Variants in PRUNE2 observed in about 807,000 individuals in gnomAD.
The protein encoded by PRUNE2 is protein prune homolog 2.
Under a neutral mutation model 252.0 loss-of-function variants are expected in PRUNE2, and 164 were observed. The observed-to-expected ratio is 0.65, with a 90% CI of 0.57 to 0.74. The LOEUF (loss-of-function observed/expected upper bound fraction) is 0.74. PRUNE2 is among the 30% of genes least tolerant of loss of function. PRUNE2 has a pLI of 0.00. For synonymous variants in PRUNE2, 1,292 were observed against 1,350.2 expected (o/e 0.96, Z 0.94); for missense variants, 3,495 against 3,711.0 (o/e 0.94, Z 1.51).
intron 1 of PRUNE2, among the ~76,000 whole-genome samples, chr9:76,867,048 C>T (rs560575936): frequency 2.0e-5 from 3 of 152,048 alleles, no homozygotes; most frequent in Non-Finnish European, 4.4e-5. Context: ...TGAATCAAAG[C>T]AATAAATAAG....
At chr9:76,732,320 T>C (rs1170345484) in intron 6 of PRUNE2, among the ~76,000 whole-genome samples, 1 of 151,880 alleles carries the variant, frequency 6.6e-6, no homozygotes, top group Non-Finnish European at 1.5e-5. Flanking sequence ...AAAGTAAAAA[T>C]AAAAATAAAA....
At chr9:76,787,999 C>T (rs963741137) in intron 6 of PRUNE2, among the ~76,000 whole-genome samples, 5 of 152,182 alleles carry the variant, frequency 3.3e-5, no homozygotes, top group African/African-American at 4.8e-5. Context: ...ATGCCTTTTC[C>T]CCCTTTCTTC....
Position 76,709,832 on chromosome 9 carries a change from A to T in PRUNE2, c.2442T>A (p.Asn814Lys). The T allele has an allele frequency of 6.2e-7, 1 of 1,613,834 alleles. No individual in the cohort carries two copies. Among genetic ancestry groups the T allele is most frequent in the Non-Finnish European group, 8.5e-7 (1 of 1,179,826 alleles). ...GKEDHDEALK[N>K]TWNLHPTSSK... is the part of the protein sequence containing the mutation. The stretch of plus-strand genomic sequence containing the variant: ...TGCTTGTTGGGTGCAAATTCCAGGT[A>T]TTTTTTAAAGCTTCATCATGATCTT... The change falls in exon 8 of 19, where the codon AAT (asparagine) becomes AAA (lysine). Residue 814 changes from asparagine (N) to lysine (K), a missense_variant. Asn to Lys is a moderately conservative substitution (Grantham distance 94). Transcript: ENST00000376718.
At chr9:76,617,975 G>T (rs911901929) in intron 18 of PRUNE2, among the ~76,000 whole-genome samples, 4 of 152,158 alleles carry the variant, frequency 2.6e-5, no homozygotes, top group East Asian at 1.9e-4. Flanking sequence ...GGGAATTGAG[G>T]TATTATTGCT....
rs556400605 is a variant in PRUNE2, at chr9:76,684,168, A to G, written c.8276+19169T>C. On this transcript the variant is annotated intron_variant, in intron 9 of 18. Transcript: ENST00000376718. ...GATTATTTATTATAGTCACCACTCT[A>G]CAACAGATCACTAAAGTTTATTCTT... is the stretch of plus-strand genomic sequence containing the variant. Among the ~76,000 whole-genome samples the G allele has an allele frequency of 2.6e-5, 4 of 152,330 alleles. No homozygotes were observed. In the South Asian group the frequency reaches 6.2e-4, roughly 24 times the overall value.
intron 9 of PRUNE2, among the ~76,000 whole-genome samples, chr9:76,665,489 A>T (rs2039971099): frequency 6.6e-6 from 1 of 152,036 alleles, no homozygotes; most frequent in Admixed American, 6.6e-5. Flanking sequence ...CCTCACGTGG[A>T]TGCTGCCATG....
chr9:76,702,609 G>GTGAATGAATGAA (rs59841123), intron 9 of PRUNE2, among the ~76,000 whole-genome samples: 30,496 of 150,766 alleles, frequency 0.2, 3,664 homozygotes, highest in East Asian at 0.51. Flanking sequence ...AAACCACATG[G>GTGAATGAATGAA]TGAATGAATG....
chr9:76,615,793 T>C (rs909414006), intron 18 of PRUNE2, among the ~76,000 whole-genome samples: 4 of 90,972 alleles, frequency 4.4e-5, no homozygotes, highest in Non-Finnish European at 9.1e-5. Context: ...TTTTTTGAGA[T>C]GGAGTCTTGC....
At chr9:76,862,488 T>A (rs188146356) in intron 1 of PRUNE2, 1 of 152,190 alleles carries the variant, frequency 6.6e-6, no homozygotes, top group Non-Finnish European at 1.5e-5. Context: ...GGCCTCCAGG[T>A]TGGAGTCATG....
intron 6 of PRUNE2, among the ~76,000 whole-genome samples, chr9:76,745,542 G>GAGGACC (rs112516633): frequency 0.23 from 34,131 of 151,684 alleles, 5,036 homozygotes; most frequent in East Asian, 0.49. Context: ...CAGCATGTTT[G>GAGGACC]ATGTCCCACA....
rs773859233 is a variant in PRUNE2 at position 76,629,209 on chromosome 9, A to G, written c.9132T>C (p.Ile3044=). The change falls in exon 16 of 19, where the codon ATT becomes ATC. Residue 3044 remains isoleucine, a synonymous_variant. Transcript: ENST00000376718. ...GGACTTACTTGATGATGCTCTCTGG[A>G]ATGTGGATGCAATCCATTGGGATCA... ...SGLIPMDCIH[I]PESIIKLDEE... 1 of 1,601,228 alleles carries G rather than the reference A, an allele frequency of 6.2e-7. No individual in the cohort carries two copies. The highest frequency in any genetic ancestry group is 1.7e-5 in the Admixed American group (1 of 59,592).
chr9:76,893,834 T>A (rs72735041), intron 1 of PRUNE2, among the ~76,000 whole-genome samples: 16,907 of 152,228 alleles, frequency 0.11, 1,148 homozygotes, highest in East Asian at 0.22. Flanking sequence ...TTCTGGAGAC[T>A]GGAGCCAAGA....
chr9:76,723,912 C>A (rs1346305754), intron 6 of PRUNE2, among the ~76,000 whole-genome samples: 1 of 151,010 alleles, frequency 6.6e-6, no homozygotes, highest in Non-Finnish European at 1.5e-5. Context: ...GGTTCACGCC[C>A]TTCTCCTGCC....
intron 6 of PRUNE2, among the ~76,000 whole-genome samples, chr9:76,809,338 T>G (rs1395037712): frequency 1.3e-5 from 2 of 152,130 alleles, no homozygotes; most frequent in African/African-American, 4.8e-5. Flanking sequence ...TTGAAGGGAT[T>G]GGGAGGGGGA....
chr9:76,840,481 TA>T (rs1305501892), intron 4 of PRUNE2, among the ~76,000 whole-genome samples: 4 of 152,190 alleles, frequency 2.6e-5, no homozygotes, highest in Admixed American at 1.3e-4. Context: ...ACTTAGCTCA[TA>T]GAAAATGTAG....
intron 6 of PRUNE2, among the ~76,000 whole-genome samples, chr9:76,816,354 T>C (rs1406999180): frequency 6.6e-6 from 1 of 152,130 alleles, no homozygotes; most frequent in Admixed American, 6.5e-5. Context: ...TAAACCATTC[T>C]TTACACAGGG....
intron 6 of PRUNE2, among the ~76,000 whole-genome samples, chr9:76,729,130 C>T (rs1203922101): frequency 5.9e-5 from 9 of 152,300 alleles, no homozygotes; most frequent in Non-Finnish European, 1.3e-4. Context: ...AAAGAACTCT[C>T]AGGTTTGGAG....
At chr9:76,766,860 C>A (rs2130847355) in intron 6 of PRUNE2, among the ~76,000 whole-genome samples, 1 of 152,290 alleles carries the variant, frequency 6.6e-6, no homozygotes, top group South Asian at 2.1e-4. Flanking sequence ...TCCAACCCTA[C>A]CACTGTCACT....
intron 1 of PRUNE2, among the ~76,000 whole-genome samples, chr9:76,881,980 TC>T (rs2061817726): frequency 6.6e-6 from 1 of 152,122 alleles, no homozygotes; most frequent in Admixed American, 6.5e-5. Context: ...ATGACTGGCT[TC>T]TTTCACTTTG....
Sources: gnomAD v4.1 joint callset for allele counts (sites outside exome capture counted in the v4.1 genomes callset) on GRCh38, gnomAD v4.1.1 for gene constraint, MANE v1.5 for transcripts, NCBI Gene and HGNC (gene_info 2026-07-23, HGNC 2026-07-21) for gene names.